The following MBTPS1 variants were observed in gnomAD, a reference collection of about 807,000 sequenced individuals.
MBTPS1 encodes membrane-bound transcription factor site-1 protease.
Under a neutral mutation model 127.8 loss-of-function variants are expected in MBTPS1, and 94 were observed. That is an observed-to-expected ratio of 0.74 (90% CI 0.62 to 0.87). The LOEUF (loss-of-function observed/expected upper bound fraction) is 0.87, where lower values mean the gene tolerates loss of function less well. MBTPS1 is among the 40% of genes least tolerant of loss of function. MBTPS1 has a pLI of 0.00. For missense variants in MBTPS1, 1,636 were observed against 1,353.2 expected, an observed-to-expected ratio of 1.21 and a Z score of -3.28; for synonymous variants, 632 against 509.4, an observed-to-expected ratio of 1.24 and a Z score of -3.24.
intron 9 of MBTPS1, 83 bp downstream of exon 9, chr16:84,087,275 C>A: frequency 2.8e-6 from 3 of 1,067,822 alleles, no homozygotes; most frequent in Non-Finnish European, 4.3e-6. Context: ...TACAAATACA[C>A]CCCAAGGCTC....
chr16:84,106,712 C>T (rs528150077), intron 1 of MBTPS1, among the ~76,000 whole-genome samples: 1 of 152,184 alleles, frequency 6.6e-6, no homozygotes, highest in African/African-American at 2.4e-5. Context: ...TTAGCCAGAT[C>T]GCTCTGGCTT....
rs1487028286 is a variant in MBTPS1 at position 84,059,293 on chromosome 16, G to A, written c.2831+9C>T. 1.2e-6 allele frequency: 2 copies of A among 1,612,134 alleles called. No homozygotes were observed. The highest frequency in any genetic ancestry group is 1.7e-6 in the Non-Finnish European group (2 of 1,178,538). On this transcript the variant is annotated intron_variant, in intron 21 of 22. Coordinates refer to ENST00000343411, the MANE Select transcript of MBTPS1 (RefSeq NM_003791.4). ...TGGAAAGAGTGGAAGGGCACAGGCG[G>A]ACACTAACCTGGGCGCCGTCTCGTT...
rs143684260 is a variant in MBTPS1 at position 84,081,755 on chromosome 16, T to C, written c.1440A>G (p.Pro480=). 3.0e-5 allele frequency: 43 copies of C among 1,413,326 alleles called. No homozygotes were observed. The African/African-American group carries it at 6.2e-4, about 20-fold the overall frequency. 87.5% of individuals were successfully genotyped at this position (1,413,326 alleles called of 1,614,324 possible). A position where few individuals can be genotyped will look rare whatever the true frequency, so the allele number is the denominator to read the frequency against. The change falls in exon 11 of 23, where the codon CCA becomes CCG. Residue 480 remains proline, a synonymous_variant. Transcript: ENST00000343411. ...RAYQILNSYK[P]QASLSPSYID... ...CAGGGCGGTGCACTGACCTTGCCTG[T>C]GGCTTGTAGCTGTTGAGGATCTGAT...
rs374217477 is a variant in MBTPS1 at position 84,065,720 on chromosome 16, C to A, written c.2401G>T (p.Val801Phe). ...CSIAKFPEDG[V>F]VITQTFKDQG... ...TCCTTGAAAGTCTGTGTTATCACGA[C>A]GCCATCTTCTGGAAACTTCGCGATG... Residue 801 changes from valine to phenylalanine, a missense_variant, in exon 18 of 23, where the codon GTC becomes TTC. Transcript: ENST00000343411. 3.7e-6 allele frequency: 6 copies of A among 1,612,060 alleles called. No individual in the cohort carries two copies. Among genetic ancestry groups the A allele is most frequent in the Non-Finnish European group, 4.2e-6 (5 of 1,179,372 alleles).
chr16:84,096,681 C>T (rs8049209), intron 3 of MBTPS1, among the ~76,000 whole-genome samples: 1 of 152,134 alleles, frequency 6.6e-6, no homozygotes, highest in Non-Finnish European at 1.5e-5. Flanking sequence ...CCTTACCAAC[C>T]TACACCCATG....
intron 10 of MBTPS1, 108 bp downstream of exon 10, chr16:84,084,875 C>G (rs1597330359): frequency 8.2e-7 from 1 of 1,219,342 alleles, no homozygotes; most frequent in Non-Finnish European, 1.2e-6. Context: ...AGGGCCTAAG[C>G]TCTCAAACCC....
intron 19 of MBTPS1, among the ~76,000 whole-genome samples, chr16:84,062,794 C>A (rs1208927570): frequency 6.6e-6 from 1 of 152,282 alleles, no homozygotes; most frequent in African/African-American, 2.4e-5. Flanking sequence ...TGCCTATTTG[C>A]CTCCCCTTCA....
At chr16:84,097,586 G>A (rs375768880) in intron 3 of MBTPS1, among the ~76,000 whole-genome samples, 3 of 152,282 alleles carry the variant, frequency 2.0e-5, no homozygotes, top group East Asian at 1.9e-4. Context: ...AGGCAACTCC[G>A]TGTCTCCTAA....
intron 8 of MBTPS1, among the ~76,000 whole-genome samples, chr16:84,089,211 T>G (rs1244168508): frequency 2.0e-5 from 3 of 152,186 alleles, no homozygotes; most frequent in Admixed American, 6.5e-5. Flanking sequence ...AAGATCAAGG[T>G]GAACTGAGAT....
intron 11 of MBTPS1, among the ~76,000 whole-genome samples, chr16:84,080,840 T>A (rs1425340384): frequency 1.3e-5 from 2 of 152,190 alleles, no homozygotes; most frequent in Non-Finnish European, 2.9e-5. Flanking sequence ...AGGCCCTCAC[T>A]CCCCACATAT....
chr16:84,081,067 C>T (rs912538541), intron 11 of MBTPS1, among the ~76,000 whole-genome samples: 2 of 152,160 alleles, frequency 1.3e-5, no homozygotes, highest in East Asian at 1.9e-4. Context: ...GGACAATGGG[C>T]GGAATCTGCG....
intron 8 of MBTPS1, 140 bp downstream of exon 8, chr16:84,090,735 T>C (rs1445614381): frequency 1.5e-6 from 1 of 656,824 alleles, no homozygotes; most frequent in Non-Finnish European, 2.7e-6. Context: ...AGTATTTTTT[T>C]ACATGAGGAA....
Position 84,054,830 on chromosome 16 carries a change from G to C in MBTPS1, c.2963-185C>G, listed in dbSNP as rs533435331. Among the ~76,000 whole-genome samples the C allele has an allele frequency of 3.3e-5, 5 of 152,328 alleles. No homozygotes were observed. In the South Asian group the frequency reaches 6.2e-4, roughly 19 times the overall value. On this transcript the variant is annotated intron_variant, in intron 22 of 22. Coordinates refer to ENST00000343411, the MANE Select transcript of MBTPS1 (RefSeq NM_003791.4). Reference sequence around the variant, plus strand: ...CAGGCTATTAATAAAGAGTGGATGAGAGCAAAGAGCAGCCACTTCCTGTGG... The same window carrying C: ...CAGGCTATTAATAAAGAGTGGATGACAGCAAAGAGCAGCCACTTCCTGTGG...
intron 2 of MBTPS1, among the ~76,000 whole-genome samples, chr16:84,100,766 T>C (rs2086242921): frequency 6.6e-6 from 1 of 152,036 alleles, no homozygotes; most frequent in Non-Finnish European, 1.5e-5. Context: ...AAATAATTCA[T>C]GTCAATTTCC....
chr16:84,066,562 C>T lies in MBTPS1; in HGVS notation c.2280G>A (p.Glu760=), dbSNP rs1231252473. 6.2e-7 allele frequency: 1 copy of T among 1,614,194 alleles called. No homozygotes were observed. The highest frequency in any genetic ancestry group is 8.5e-7 in the Non-Finnish European group (1 of 1,180,016). Residue 760 remains glutamate (E), a synonymous_variant, in exon 17 of 23, where the codon GAG becomes GAA. Coordinates refer to ENST00000343411, the MANE Select transcript of MBTPS1 (RefSeq NM_003791.4). The part of the protein sequence containing the change: ...TGGANIPALN[E]LLSVWNMGFS... ...ACCCCATGTTCCACACAGACAGCAG[C>T]TCATTCAGAGCTGGGATGTTAGCTC... is the stretch of plus-strand genomic sequence containing the variant.
intron 12 of MBTPS1, among the ~76,000 whole-genome samples, chr16:84,074,221 T>C (rs2085816787): frequency 6.6e-6 from 1 of 151,916 alleles, no homozygotes; most frequent in Non-Finnish European, 1.5e-5. Context: ...CCTGGTACCC[T>C]AGACAGGGCT....
intron 14 of MBTPS1, among the ~76,000 whole-genome samples, chr16:84,069,404 G>C (rs1007767073): frequency 2.0e-5 from 3 of 148,526 alleles, no homozygotes; most frequent in Admixed American, 1.4e-4. Context: ...GAGAGCTTGA[G>C]GCAAACTGTG....
Position 84,066,626 on chromosome 16 carries a change from T to A in MBTPS1, c.2229-13A>T. ...CATCCACCACTGCCTGGGAAAGTGGTAACAGACACACAGGGAACAGGGAAT... is the reference window on the plus strand; with the variant it reads ...CATCCACCACTGCCTGGGAAAGTGGAAACAGACACACAGGGAACAGGGAAT... On this transcript the variant is annotated splice_polypyrimidine_tract_variant and intron_variant, in intron 16 of 22. Transcript: ENST00000343411. 6.2e-7 allele frequency: 1 copy of A among 1,613,604 alleles called. No individual in the cohort carries two copies. The highest frequency in any genetic ancestry group is 1.3e-5 in the African/African-American group (1 of 75,024).
intron 13 of MBTPS1, 112 bp downstream of exon 13, chr16:84,070,476 G>GC: frequency 9.2e-7 from 1 of 1,089,998 alleles, no homozygotes; most frequent in Non-Finnish European, 1.4e-6. Context: ...TCGAGGATAA[G>GC]CCTATCTGTC....
Sources: gnomAD v4.1 joint callset for allele counts (sites outside exome capture counted in the v4.1 genomes callset) on GRCh38, gnomAD v4.1.1 for gene constraint, MANE v1.5 for transcripts, NCBI Gene and HGNC (gene_info 2026-07-23, HGNC 2026-07-21) for gene names.